AGTPBP1: variants seen among roughly 807,000 people sequenced by gnomAD.
AGTPBP1 encodes the protein ATP/GTP binding carboxypeptidase 1.
A neutral mutation model predicts 143.9 loss-of-function variants in AGTPBP1; 70 were observed. That is an observed-to-expected ratio of 0.49 (90% CI 0.40 to 0.59). The LOEUF (loss-of-function observed/expected upper bound fraction) is 0.59. Ranked by LOEUF, AGTPBP1 falls within the 20% of genes least tolerant of loss-of-function variation. The pLI is 0.00. For synonymous variants in AGTPBP1, 463 were observed against 500.2 expected, an observed-to-expected ratio of 0.93 and a Z score of 0.99; for missense variants, 1,229 against 1,464.5, an observed-to-expected ratio of 0.84 and a Z score of 2.62.
chr9:85,676,775 T>C (rs150505498), intron 6 of AGTPBP1, among the ~76,000 whole-genome samples: 58 of 152,306 alleles, frequency 3.8e-4, no homozygotes, highest in South Asian at 1.0e-3. Flanking sequence ...AGCCAAGGTA[T>C]GGAATCAACC....
At chr9:85,560,998 TAAAAAG>T (rs1826676032) in intron 25 of AGTPBP1, among the ~76,000 whole-genome samples, 3 of 151,982 alleles carry the variant, frequency 2.0e-5, no homozygotes, top group Admixed American at 6.5e-5. Flanking sequence ...CCAAGCAAAA[TAAAAAG>T]AAAATCATAT....
At chr9:85,577,750 C>G (rs970642680) in intron 24 of AGTPBP1, among the ~76,000 whole-genome samples, 1 of 152,164 alleles carries the variant, frequency 6.6e-6, no homozygotes, top group Non-Finnish European at 1.5e-5. Flanking sequence ...GTAAATTCTA[C>G]TTTACTACTA....
At chr9:85,643,021 G>T in intron 12 of AGTPBP1, 78 bp from the exon 13 acceptor site, 1 of 908,178 alleles carries the variant, frequency 1.1e-6, no homozygotes, top group South Asian at 1.5e-5. Context: ...GATTTAAAAT[G>T]TTCCAAGTTA....
intron 3 of AGTPBP1, among the ~76,000 whole-genome samples, chr9:85,689,898 C>CAAAAAAAAAAA (rs1156931410): frequency 3.5e-5 from 1 of 28,346 alleles, no homozygotes; most frequent in Non-Finnish European, 5.9e-5. Context: ...GACTCTGCCT[C>CAAAAAAAAAAA]AAAAAAAAAA....
intron 3 of AGTPBP1, among the ~76,000 whole-genome samples, chr9:85,689,615 C>T (rs1394794087): frequency 6.6e-6 from 1 of 151,908 alleles, no homozygotes; most frequent in South Asian, 2.1e-4. Flanking sequence ...TATTTCTTGG[C>T]CGGGCACAGT....
upstream of AGTPBP1, chr9:85,742,154 G>A (rs1824378568): frequency 1.6e-6 from 1 of 635,884 alleles, no homozygotes. Flanking sequence ...TGACGGGAGG[G>A]AGCGCGCGCG....
At chr9:85,753,428 A>G in the AGTPBP1 span, 2 of 1,613,522 alleles carry the variant, frequency 1.2e-6, no homozygotes, top group African/African-American at 2.7e-5. Flanking sequence ...AGGTTTGTCA[A>G]TTCTATTTAG....
At chr9:85,663,618 GAA>G (rs530485264) in intron 8 of AGTPBP1, among the ~76,000 whole-genome samples, 10 of 139,848 alleles carry the variant, frequency 7.2e-5, no homozygotes, top group African/African-American at 1.8e-4. Context: ...AATGATGGGG[GAA>G]AAAAAAAAAA....
chr9:85,759,880 A>C, the AGTPBP1 span, among the ~76,000 whole-genome samples: 1 of 152,224 alleles, frequency 6.6e-6, no homozygotes, highest in African/African-American at 2.4e-5. Flanking sequence ...GGCAAGACTA[A>C]TAAAGAAGAA....
the AGTPBP1 span, among the ~76,000 whole-genome samples, chr9:85,766,893 C>T: frequency 6.6e-6 from 1 of 151,978 alleles, no homozygotes; most frequent in Non-Finnish European, 1.5e-5. Flanking sequence ...TCTCTTTCCA[C>T]AGTAAATTAA....
chr9:85,674,228 C>T (rs1351003716), intron 6 of AGTPBP1, among the ~76,000 whole-genome samples: 1 of 150,878 alleles, frequency 6.6e-6, no homozygotes, highest in Non-Finnish European at 1.5e-5. Context: ...TTTTACCTCA[C>T]TAGAAAAATA....
chr9:85,796,220 A>G, the AGTPBP1 span, among the ~76,000 whole-genome samples: 1 of 152,200 alleles, frequency 6.6e-6, no homozygotes, highest in Admixed American at 6.5e-5. Flanking sequence ...GAGTGATTCC[A>G]CAGTAGTGTT....
the AGTPBP1 span, among the ~76,000 whole-genome samples, chr9:85,750,215 C>T: frequency 1.8e-4 from 27 of 152,222 alleles, no homozygotes; most frequent in Admixed American, 1.2e-3. Context: ...AGAGTCAACT[C>T]CAAGTATAAG....
chr9:85,775,299 G>C, the AGTPBP1 span, among the ~76,000 whole-genome samples: 5 of 150,042 alleles, frequency 3.3e-5, no homozygotes, highest in African/African-American at 1.2e-4. Flanking sequence ...TTAAGACCCT[G>C]TCTCAAAAAA....
intron 13 of AGTPBP1, among the ~76,000 whole-genome samples, chr9:85,635,093 T>A (rs756558195): frequency 6.6e-6 from 1 of 152,252 alleles, no homozygotes. Flanking sequence ...AACTTTTTTG[T>A]TCCTGGATAC....
intron 1 of AGTPBP1, chr9:85,741,253 G>A: frequency 1.0e-6 from 1 of 985,416 alleles, no homozygotes; most frequent in Non-Finnish European, 1.2e-6. Flanking sequence ...GCCCATCGCC[G>A]ATGTCACAGC....
At chr9:85,573,832 C>T (rs1175144569) in intron 25 of AGTPBP1, among the ~76,000 whole-genome samples, 31 of 151,306 alleles carry the variant, frequency 2.0e-4, no homozygotes, top group Non-Finnish European at 4.4e-4. Context: ...TCTGCCCGGC[C>T]GCCCCGTCTG....
intron 9 of AGTPBP1, among the ~76,000 whole-genome samples, chr9:85,659,781 T>C (rs1833743879): frequency 6.6e-6 from 1 of 152,088 alleles, no homozygotes; most frequent in East Asian, 1.9e-4. Context: ...ATCAAAAGTA[T>C]TTGCCCATAT....
intron 14 of AGTPBP1, among the ~76,000 whole-genome samples, chr9:85,627,912 C>G (rs1013999814): frequency 5.3e-5 from 8 of 152,076 alleles, no homozygotes; most frequent in Non-Finnish European, 1.2e-4. Context: ...GTAAGGCTTC[C>G]GGCCAACAGT....
Sources: allele counts gnomAD v4.1 joint callset (sites outside exome capture counted in the v4.1 genomes callset), GRCh38; gene constraint gnomAD v4.1.1; transcripts MANE v1.5; gene names NCBI Gene and HGNC (gene_info 2026-07-23, HGNC 2026-07-21).